The following BUD23 variants were observed in gnomAD, a reference collection of about 807,000 sequenced individuals.
The protein encoded by BUD23 is 18S rRNA (guanine-N(7))-methyltransferase.
In BUD23, 34 loss-of-function variants were observed where a neutral mutation model predicts 47.0. That is an observed-to-expected ratio of 0.72 (90% CI 0.55 to 0.96). The LOEUF is 0.96. Among genes scored for constraint, BUD23 ranks in the 40% least tolerant of loss-of-function variants. BUD23 has a pLI of 0.00. For synonymous variants in BUD23, 124 were observed against 132.0 expected (o/e 0.94, Z 0.41); for missense variants, 343 against 361.2 (o/e 0.95, Z 0.41).
At chr7:73,692,760 C>A in intron 7 of BUD23, 114 bp downstream of exon 7, 1 of 1,065,840 alleles carries the variant, frequency 9.4e-7, no homozygotes, top group Non-Finnish European at 1.4e-6. Flanking sequence ...AGGAAACATG[C>A]ACCCTAGTGT....
In BUD23 at chr7:73,697,926, T is replaced by A; in HGVS notation, c.*40T>A. 6.3e-7 allele frequency: 1 copy of A among 1,583,102 alleles called. No homozygotes were observed. The highest frequency in any genetic ancestry group is 1.2e-5 in the South Asian group (1 of 86,500). ...CTGGAAAGGCACTTGCCTCTGCACT[T>A]TTCTATATTGTTCAGCTGACAAAGT... On this transcript the variant is annotated 3_prime_UTR_variant, in exon 12 of 12. Transcript: ENST00000265758.
At chr7:73,695,846 G>A (rs998393593) in intron 10 of BUD23, 4 of 152,008 alleles carry the variant, frequency 2.6e-5, no homozygotes, top group African/African-American at 9.7e-5. Flanking sequence ...TGCTCTTTTA[G>A]TGCCTTCATT....
intron 8 of BUD23, 35 bp from the exon 9 acceptor site, chr7:73,693,589 C>T: frequency 6.2e-7 from 1 of 1,613,992 alleles, no homozygotes; most frequent in East Asian, 2.2e-5. Flanking sequence ...GGGGCTTTCT[C>T]CACCCAACCC....
rs145188071 is a variant in BUD23 at position 73,697,842 on chromosome 7, C to G, written c.802C>G (p.Pro268Ala). 1.2e-4 allele frequency: 186 copies of G among 1,613,998 alleles called. No homozygotes were observed. In the African/African-American group the frequency reaches 2.1e-3, roughly 18 times the overall value. ...TCCTTTTCTGCACAGGGAAGTCAGA[C>G]CTGACACCCAGTACACCGGCCGCAA... ...RHRRQGREVR[P>A]DTQYTGRKRK... The change falls in exon 12 of 12, where the codon CCT becomes GCT. Residue 268 changes from proline (P) to alanine (A), a missense_variant. Coordinates refer to ENST00000265758, the MANE Select transcript of BUD23 (RefSeq NM_017528.5).
At chr7:73,694,095 C>T in intron 10 of BUD23, 45 bp downstream of exon 10, 3 of 1,581,464 alleles carry the variant, frequency 1.9e-6, no homozygotes, top group Middle Eastern at 1.8e-4. Context: ...CGGGGGCTGC[C>T]ACATTTGTTA....
intron 10 of BUD23, 61 bp downstream of exon 10, chr7:73,694,111 G>T: frequency 6.4e-7 from 1 of 1,554,558 alleles, no homozygotes; most frequent in Non-Finnish European, 8.7e-7. Context: ...TGTTAGACAT[G>T]GACTTTCTCT....
At chr7:73,693,904 G>A in intron 9 of BUD23, 88 bp from the exon 10 acceptor site, 1 of 1,539,912 alleles carries the variant, frequency 6.5e-7, no homozygotes. Context: ...CTGTCGGAAG[G>A]GTCAGGCCTG....
At chr7:73,693,733 C>T in intron 9 of BUD23, 64 bp downstream of exon 9, 3 of 1,587,834 alleles carry the variant, frequency 1.9e-6, no homozygotes, top group Admixed American at 1.7e-5. Context: ...GGGGCTCAGC[C>T]TGCAGAGCCT....
chr7:73,687,761 C>T (rs1554613322), intron 5 of BUD23, among the ~76,000 whole-genome samples: 1 of 152,178 alleles, frequency 6.6e-6, no homozygotes, highest in Non-Finnish European at 1.5e-5. Context: ...CAGATATTTA[C>T]AAATACACAT....
rs782004933 is a variant in BUD23 at position 73,687,075 on chromosome 7, C to T, written c.342C>T (p.Gly114=). The change falls in exon 5 of 12, where the codon GGC becomes GGT. Residue 114 remains glycine, a synonymous_variant. Coordinates refer to ENST00000265758, the MANE Select transcript of BUD23 (RefSeq NM_017528.5). ...GCCAGGGCATCCCATTCAAGCCAGGCACATTTGATGGTTGCATCAGGTGAG... is the reference window on the plus strand; with the variant it reads ...GCCAGGGCATCCCATTCAAGCCAGGTACATTTGATGGTTGCATCAGGTGAG... ...DMGQGIPFKP[G]TFDGCISISA... The T allele has an allele frequency of 6.2e-7, 1 of 1,613,782 alleles. No homozygotes were observed. Among genetic ancestry groups the T allele is most frequent in the Non-Finnish European group, 8.5e-7 (1 of 1,180,036 alleles).
At position 73,697,767 on chromosome 7, in the gene BUD23, T is replaced by C. The variant is rs1237631487; in HGVS notation, c.792-65T>C. 1.8e-5 allele frequency: 29 copies of C among 1,609,382 alleles called. 1 individual carries two copies. In the East Asian group the frequency reaches 6.5e-4, roughly 36 times the overall value. ...TATTGCCATGAAGAGCTTCCCTTTATTTGAAGGGTCCAGGGCTGCTTTGAT... is the reference window on the plus strand; with the variant it reads ...TATTGCCATGAAGAGCTTCCCTTTACTTGAAGGGTCCAGGGCTGCTTTGAT... On this transcript the variant is annotated intron_variant, in intron 11 of 11. Coordinates refer to ENST00000265758, the MANE Select transcript of BUD23 (RefSeq NM_017528.5).
At chr7:73,688,053 G>A (rs1798047358) in intron 5 of BUD23, among the ~76,000 whole-genome samples, 1 of 151,400 alleles carries the variant, frequency 6.6e-6, no homozygotes, top group Admixed American at 6.6e-5. Context: ...CCACCACCAC[G>A]CCCAGCTAAT....
At position 73,686,797 on chromosome 7, in the gene BUD23, GTGTCTGGTCA is replaced by G. The variant is rs1797989638; in HGVS notation, c.183-15_183-6del. ...AAGTGTCTTTGTAAACTGACCCTGA[GTGTCTGGTCA>G]TGTCTTCCAGCTGTGGCACTGGGCT... On this transcript the variant is annotated splice_polypyrimidine_tract_variant and intron_variant, in intron 3 of 11. Transcript: ENST00000265758. 6.2e-7 allele frequency: 1 copy of G among 1,614,038 alleles called. No individual in the cohort carries two copies. The highest frequency in any genetic ancestry group is 1.3e-5 in the African/African-American group (1 of 74,926).
chr7:73,694,018 T>G lies in BUD23; in HGVS notation c.669T>G (p.Val223=), dbSNP rs782544822. ...GGCTGAGTGAAAATCAGGATGAAGT[T>G]GAACCCAGGGAGTCTGTGTTCACCA... ...PEGLSENQDE[V]EPRESVFTNE... The change falls in exon 10 of 12, where the codon GTT becomes GTG. Residue 223 remains valine, a synonymous_variant. Coordinates refer to ENST00000265758, the MANE Select transcript of BUD23 (RefSeq NM_017528.5). 2.5e-6 allele frequency: 4 copies of G among 1,612,608 alleles called. No individual in the cohort carries two copies. In the East Asian group the frequency reaches 8.9e-5, roughly 36 times the overall value.
chr7:73,684,121 G>A (rs535887469), intron 2 of BUD23: 1 of 720,878 alleles, frequency 1.4e-6, no homozygotes, highest in Non-Finnish European at 2.1e-6. Flanking sequence ...CAGTCCTGGT[G>A]GGGGGAAGGA....
chr7:73,686,568 T>A, intron 2 of BUD23, 68 bp from the exon 3 acceptor site: 1 of 1,418,966 alleles, frequency 7.0e-7, no homozygotes. Flanking sequence ...GTTTTTTGTT[T>A]TTTGGTCTGG....
chr7:73,683,888 C>G, intron 2 of BUD23, 84 bp downstream of exon 2: 1 of 1,612,524 alleles, frequency 6.2e-7, no homozygotes, highest in Non-Finnish European at 8.5e-7. Context: ...CCGGAAAGGC[C>G]GTAGAATTTG....
intron 7 of BUD23, chr7:73,692,972 G>A (rs1236566821): frequency 1.9e-6 from 1 of 538,320 alleles, no homozygotes; most frequent in Non-Finnish European, 3.3e-6. Flanking sequence ...ATAAATTAAG[G>A]AATGGCGGAG....
At chr7:73,692,050 G>T (rs1175515701) in intron 6 of BUD23, among the ~76,000 whole-genome samples, 5 of 151,984 alleles carry the variant, frequency 3.3e-5, no homozygotes, top group Non-Finnish European at 7.4e-5. Flanking sequence ...TGATGTGGCC[G>T]CTGGTCTTTC....
Sources: allele counts gnomAD v4.1 joint callset (sites outside exome capture counted in the v4.1 genomes callset), GRCh38; gene constraint gnomAD v4.1.1; transcripts MANE v1.5; gene names NCBI Gene and HGNC (gene_info 2026-07-23, HGNC 2026-07-21).